The following SGCZ variants were observed in gnomAD, a reference collection of about 807,000 sequenced individuals.
SGCZ encodes sarcoglycan zeta.
In SGCZ, 40 loss-of-function variants were observed where a neutral mutation model predicts 41.3. The observed-to-expected ratio is 0.97, with a 90% CI of 0.75 to 1.26. The LOEUF (loss-of-function observed/expected upper bound fraction) is 1.26, where lower values mean the gene tolerates loss of function less well. SGCZ is among the 50% of genes most tolerant of loss of function. SGCZ has a pLI of 0.00. For missense variants in SGCZ, 552 were observed against 369.8 expected (o/e 1.49, Z -4.04); for synonymous variants, 206 against 137.5 (o/e 1.50, Z -3.49).
chr8:14,190,397 A>G (rs888469456), intron 4 of SGCZ, among the ~76,000 whole-genome samples: 15 of 151,896 alleles, frequency 9.9e-5, no homozygotes, highest in Admixed American at 2.6e-4. Context: ...ATATATATCA[A>G]TAAAGTGTGA....
At chr8:15,226,981 G>A (rs768928202) in intron 1 of SGCZ, among the ~76,000 whole-genome samples, 2 of 152,170 alleles carry the variant, frequency 1.3e-5, no homozygotes, top group Non-Finnish European at 2.9e-5. Flanking sequence ...ACATACGACA[G>A]GAGGGGCACA....
chr8:14,696,386 G>T (rs141313546), intron 1 of SGCZ, among the ~76,000 whole-genome samples: 5 of 152,134 alleles, frequency 3.3e-5, no homozygotes, highest in African/African-American at 1.2e-4. Flanking sequence ...ATGGCAGAGC[G>T]AAAGCCCACT....
At chr8:14,775,553 C>T (rs1239393284) in intron 1 of SGCZ, among the ~76,000 whole-genome samples, 3 of 151,636 alleles carry the variant, frequency 2.0e-5, no homozygotes, top group African/African-American at 7.3e-5. Flanking sequence ...ATACTGGTTC[C>T]ACCTTCATAT....
At chr8:15,028,958 GCAAA>G in intron 1 of SGCZ, among the ~76,000 whole-genome samples, 1 of 152,148 alleles carries the variant, frequency 6.6e-6, no homozygotes, top group South Asian at 2.1e-4. Context: ...ATATAAATGT[GCAAA>G]CAGAGAAAAA....
chr8:15,121,438 C>T (rs1180326397), intron 1 of SGCZ, among the ~76,000 whole-genome samples: 1 of 152,134 alleles, frequency 6.6e-6, no homozygotes, highest in Non-Finnish European at 1.5e-5. Flanking sequence ...TAGCAGATGA[C>T]CTTCCAAGTA....
chr8:14,897,510 C>A (rs1228126859), intron 1 of SGCZ, among the ~76,000 whole-genome samples: 9 of 152,154 alleles, frequency 5.9e-5, no homozygotes. Flanking sequence ...CCCTTTTCAA[C>A]ATGTCAATGG....
At chr8:14,447,894 T>C (rs1800478779) in intron 2 of SGCZ, among the ~76,000 whole-genome samples, 2 of 152,166 alleles carry the variant, frequency 1.3e-5, no homozygotes, top group Non-Finnish European at 2.9e-5. Context: ...CATTATGAAA[T>C]GCAAATCACC....
intron 2 of SGCZ, among the ~76,000 whole-genome samples, chr8:14,485,671 C>T (rs941093644): frequency 1.3e-5 from 2 of 152,062 alleles, no homozygotes; most frequent in African/African-American, 2.4e-5. Context: ...GAAGGGTTCT[C>T]ACTGTAACAG....
In SGCZ at chr8:14,522,433, A is replaced by G. The variant is rs550674940; in HGVS notation, c.234+32299T>C. On this transcript the variant is annotated intron_variant, in intron 2 of 7. Transcript: ENST00000382080. ...TCAATTTCCTTACGGCTCTTCAAAT[A>G]TGCTGTTTCAATTTGGGTGAGGTAT... Among the ~76,000 whole-genome samples the G allele has an allele frequency of 9.9e-5, 15 of 152,076 alleles. No homozygotes were observed. The South Asian group carries it at 3.1e-3, about 32-fold the overall frequency.
At chr8:15,055,555 G>A (rs956703033) in intron 1 of SGCZ, among the ~76,000 whole-genome samples, 6 of 152,162 alleles carry the variant, frequency 3.9e-5, no homozygotes, top group South Asian at 2.1e-4. Context: ...ATGGAAGCAC[G>A]AACCATTTCC....
intron 1 of SGCZ, among the ~76,000 whole-genome samples, chr8:14,888,278 C>T (rs1804884640): frequency 6.6e-6 from 1 of 152,100 alleles, no homozygotes; most frequent in Non-Finnish European, 1.5e-5. Context: ...AGAGATTGAG[C>T]TGATGAACAG....
At chr8:14,128,199 T>C (rs1802924494) in intron 5 of SGCZ, among the ~76,000 whole-genome samples, 2 of 152,134 alleles carry the variant, frequency 1.3e-5, no homozygotes, top group South Asian at 2.1e-4. Context: ...CATTAAAAAA[T>C]GGGCAAATGA....
rs141329263 is a variant in SGCZ at position 14,913,249 on chromosome 8, A to G, written c.39+324336T>C. Among the ~76,000 whole-genome samples, 81 of 152,222 alleles carry G rather than the reference A, an allele frequency of 5.3e-4. 2 individuals are homozygous for G. The highest frequency in any genetic ancestry group is 8.7e-4 in the Non-Finnish European group (59 of 67,948). ...ATATTTGCATGAACTTCATATTGAA[A>G]TGTAATTATATAATAAATGCAGATA... On this transcript the variant is annotated intron_variant, in intron 1 of 7. Transcript: ENST00000382080.
chr8:14,961,423 A>G (rs1288623336), intron 1 of SGCZ, among the ~76,000 whole-genome samples: 3 of 152,238 alleles, frequency 2.0e-5, no homozygotes, highest in Middle Eastern at 3.4e-3. Context: ...CTCATGGTCC[A>G]TGGTTTTACT....
At chr8:14,169,029 T>C (rs936986758) in intron 4 of SGCZ, among the ~76,000 whole-genome samples, 1 of 152,170 alleles carries the variant, frequency 6.6e-6, no homozygotes, top group South Asian at 2.1e-4. Flanking sequence ...TTATACGTAA[T>C]GCACTCTAGA....
At chr8:15,096,024 C>G (rs770698941) in intron 1 of SGCZ, among the ~76,000 whole-genome samples, 5 of 152,098 alleles carry the variant, frequency 3.3e-5, no homozygotes, top group Non-Finnish European at 7.4e-5. Flanking sequence ...GATACGCCAT[C>G]AAACTGTGCC....
intron 1 of SGCZ, among the ~76,000 whole-genome samples, chr8:15,135,678 G>C (rs1808074957): frequency 6.6e-6 from 1 of 152,198 alleles, no homozygotes. Flanking sequence ...GTCAAACAGT[G>C]TTTAGACTGT....
intron 1 of SGCZ, among the ~76,000 whole-genome samples, chr8:15,185,972 C>T (rs1297746875): frequency 6.6e-6 from 1 of 151,378 alleles, no homozygotes; most frequent in East Asian, 1.9e-4. Context: ...CGTCTGTAAT[C>T]CCAGCACTTT....
chr8:14,428,338 T>A (rs1348203133), intron 2 of SGCZ, among the ~76,000 whole-genome samples: 1 of 152,096 alleles, frequency 6.6e-6, no homozygotes, highest in Admixed American at 6.6e-5. Flanking sequence ...GTAAATATTT[T>A]TCAATTGCTT....
Sources: allele counts gnomAD v4.1 joint callset (sites outside exome capture counted in the v4.1 genomes callset), GRCh38; gene constraint gnomAD v4.1.1; transcripts MANE v1.5; gene names NCBI Gene and HGNC (gene_info 2026-07-23, HGNC 2026-07-21).